Variants in AXDND1 observed in about 807,000 individuals in gnomAD.
The protein encoded by AXDND1 is axonemal dynein light chain domain containing 1, also known as axonemal dynein light chain domain-containing protein 1.
AXDND1 carries 110 observed loss-of-function variants against 137.5 expected under a neutral mutation model. The ratio of observed to expected loss-of-function variants is 0.80; its 90% CI spans 0.69 to 0.94. The LOEUF is 0.94. Ranked by LOEUF, AXDND1 falls within the 40% of genes least tolerant of loss-of-function variation. The pLI, the probability that AXDND1 is intolerant of heterozygous loss-of-function variation, is 0.00. For missense variants in AXDND1, 1,191 were observed against 1,169.8 expected, an observed-to-expected ratio of 1.02 and a Z score of -0.26; for synonymous variants, 414 against 399.7, an observed-to-expected ratio of 1.04 and a Z score of -0.43.
At chr1:179,538,881 T>C (rs1222712740) in intron 25 of AXDND1, among the ~76,000 whole-genome samples, 2 of 141,816 alleles carry the variant, frequency 1.4e-5, no homozygotes, top group African/African-American at 2.5e-5. Context: ...TGCTCCTGTA[T>C]TGGGTGCATA....
At chr1:179,374,228 T>C (rs1394115331) in intron 4 of AXDND1, among the ~76,000 whole-genome samples, 1 of 152,206 alleles carries the variant, frequency 6.6e-6, no homozygotes. Flanking sequence ...GAAAAAATGC[T>C]CATCATCGTT....
chr1:179,532,130 C>G (rs751240774), intron 23 of AXDND1, among the ~76,000 whole-genome samples: 1 of 152,158 alleles, frequency 6.6e-6, no homozygotes, highest in Non-Finnish European at 1.5e-5. Context: ...TCATTTCAGA[C>G]CACGGTCTGA....
intron 9 of AXDND1, among the ~76,000 whole-genome samples, chr1:179,387,189 T>A (rs1649354410): frequency 6.6e-6 from 1 of 152,198 alleles, no homozygotes; most frequent in Admixed American, 6.6e-5. Flanking sequence ...TTAGTCTGCC[T>A]TGTGCTGCTA....
At chr1:179,541,081 T>G (rs1303099466) in intron 25 of AXDND1, among the ~76,000 whole-genome samples, 1 of 152,184 alleles carries the variant, frequency 6.6e-6, no homozygotes, top group Non-Finnish European at 1.5e-5. Context: ...CAGCAAGAAT[T>G]TCAAGCCAGT....
At chr1:179,406,709 C>T (rs1378531969) in intron 11 of AXDND1, among the ~76,000 whole-genome samples, 2 of 152,052 alleles carry the variant, frequency 1.3e-5, no homozygotes, top group African/African-American at 2.4e-5. Context: ...CATAGAGTGT[C>T]TTTTTCCATC....
intron 6 of AXDND1, 48 bp from the exon 7 acceptor site, chr1:179,382,652 G>C: frequency 2.9e-6 from 4 of 1,399,400 alleles, no homozygotes; most frequent in Non-Finnish European, 4.0e-6. Context: ...TGATAAACAG[G>C]CCAGAAAATT....
At chr1:179,366,856 A>C (rs1667474168) in intron 2 of AXDND1, among the ~76,000 whole-genome samples, 1 of 152,182 alleles carries the variant, frequency 6.6e-6, no homozygotes, top group African/African-American at 2.4e-5. Context: ...TTTTAAATTC[A>C]ACCTATTTTA....
At chr1:179,493,924 A>C (rs1398331230) in intron 20 of AXDND1, among the ~76,000 whole-genome samples, 1 of 152,158 alleles carries the variant, frequency 6.6e-6, no homozygotes, top group African/African-American at 2.4e-5. Flanking sequence ...GTTGCTTTAC[A>C]TACTCACTGA....
intron 21 of AXDND1, among the ~76,000 whole-genome samples, chr1:179,524,420 C>T (rs1558302563): frequency 1.3e-5 from 2 of 152,196 alleles, no homozygotes; most frequent in South Asian, 2.1e-4. Context: ...CCAAATTCTT[C>T]CATCTTAAAC....
intron 21 of AXDND1, among the ~76,000 whole-genome samples, chr1:179,522,206 A>G (rs913505179): frequency 2.6e-5 from 4 of 152,090 alleles, no homozygotes; most frequent in African/African-American, 9.7e-5. Flanking sequence ...TGCATCCTGA[A>G]TAATTTTTCT....
rs546642597 is a variant in AXDND1 at position 179,495,558 on chromosome 1, C to T, written c.2388+2607C>T. Among the ~76,000 whole-genome samples, 6 of 152,090 alleles carry T rather than the reference C, an allele frequency of 3.9e-5. No homozygotes were observed. In the East Asian group the frequency reaches 1.2e-3, roughly 29 times the overall value. On this transcript the variant is annotated intron_variant, in intron 20 of 25. Coordinates refer to ENST00000367618, the MANE Select transcript of AXDND1 (RefSeq NM_144696.6). The stretch of plus-strand genomic sequence containing the variant: ...ATATCCTGTGACCTTGCTGAATTCA[C>T]TTATTCCTTCTAAGAATTTTTTTTA...
At chr1:179,375,465 ATGTC>A (rs966288879) in intron 4 of AXDND1, among the ~76,000 whole-genome samples, 2 of 149,766 alleles carry the variant, frequency 1.3e-5, no homozygotes, top group African/African-American at 4.9e-5. Context: ...TGTATAATAT[ATGTC>A]TAATTATATA....
chr1:179,482,480 G>A (rs1170668029), intron 17 of AXDND1, among the ~76,000 whole-genome samples: 1 of 152,150 alleles, frequency 6.6e-6, no homozygotes, highest in African/African-American at 2.4e-5. Flanking sequence ...ATGGAAGAAA[G>A]CCATCTGATT....
intron 12 of AXDND1, among the ~76,000 whole-genome samples, chr1:179,418,592 G>T (rs1023646433): frequency 1.3e-5 from 2 of 148,214 alleles, no homozygotes; most frequent in African/African-American, 5.0e-5. Context: ...CTCACCTCCC[G>T]GACGGGGCGG....
In AXDND1 at chr1:179,370,055, C is replaced by T. The variant is rs761428648; in HGVS notation, c.351C>T (p.Pro117=). 21 of 1,612,642 alleles carry T rather than the reference C, an allele frequency of 1.3e-5. No homozygotes were observed. The highest frequency in any genetic ancestry group is 1.6e-4 in the Middle Eastern group (1 of 6,082). Residue 117 remains proline, a synonymous_variant, in exon 4 of 26, where the codon CCC becomes CCT. Coordinates refer to ENST00000367618, the MANE Select transcript of AXDND1 (RefSeq NM_144696.6). ...AATTCAAATACCTGATTGACCATCC[C>T]GTCTCCCTCACAGGAGCTGGAAGGT... ...RNKFKYLIDH[P]VSLTGAGRDI...
At chr1:179,456,046 C>T (rs1303648883) in intron 16 of AXDND1, 1 of 436,886 alleles carries the variant, frequency 2.3e-6, no homozygotes, top group East Asian at 6.5e-5. Flanking sequence ...GAGTTAGTCA[C>T]AAATAACAGT....
intron 4 of AXDND1, among the ~76,000 whole-genome samples, chr1:179,376,158 T>C (rs1416357723): frequency 6.6e-6 from 1 of 152,228 alleles, no homozygotes; most frequent in East Asian, 1.9e-4. Context: ...TTAAGCATGA[T>C]TTGCAAGGCT....
At chr1:179,449,664 T>C (rs1229702978) in intron 16 of AXDND1, 2 of 152,170 alleles carry the variant, frequency 1.3e-5, no homozygotes, top group Non-Finnish European at 2.9e-5. Flanking sequence ...TTTTCAATTA[T>C]TTAGATATTT....
At chr1:179,395,354 T>G (rs1191399704) in intron 11 of AXDND1, 152 bp downstream of exon 11, 11 of 628,264 alleles carry the variant, frequency 1.8e-5, no homozygotes, top group Non-Finnish European at 2.4e-5. Context: ...TTTCTCATTC[T>G]GGGTGCAAAG....
Sources: allele counts gnomAD v4.1 joint callset (sites outside exome capture counted in the v4.1 genomes callset), GRCh38; gene constraint gnomAD v4.1.1; transcripts MANE v1.5; gene names NCBI Gene and HGNC (gene_info 2026-07-23, HGNC 2026-07-21).